PIWIL4: variants seen among roughly 807,000 people sequenced by gnomAD.
PIWIL4 encodes piwi-like protein 4.
Under a neutral mutation model 100.9 loss-of-function variants are expected in PIWIL4, and 50 were observed. The observed-to-expected ratio is 0.50, with a 90% CI of 0.39 to 0.63. The LOEUF (loss-of-function observed/expected upper bound fraction) is 0.63, where lower values mean the gene tolerates loss of function less well. Ranked by LOEUF, PIWIL4 falls within the 20% of genes least tolerant of loss-of-function variation. PIWIL4 has a pLI of 0.00. For synonymous variants in PIWIL4, 342 were observed against 367.5 expected, an observed-to-expected ratio of 0.93 and a Z score of 0.79; for missense variants, 887 against 1,043.3, an observed-to-expected ratio of 0.85 and a Z score of 2.06.
chr11:94,580,212 G>A (rs921997804), intron 4 of PIWIL4, among the ~76,000 whole-genome samples: 1 of 152,136 alleles, frequency 6.6e-6, no homozygotes, highest in African/African-American at 2.4e-5. Context: ...GAATAGTGTT[G>A]TCTTATTTCT....
rs17852889 is a variant in PIWIL4, at chr11:94,608,663, C to T, written c.1920C>T (p.Ala640=). Residue 640 remains alanine (A), a synonymous_variant, in exon 15 of 20, where the codon GCC becomes GCT. Coordinates refer to ENST00000299001, the MANE Select transcript of PIWIL4 (RefSeq NM_152431.3). The part of the protein sequence containing the change: ...SKDVMVVGCV[A]SVNPRITRWF... ...ACGTGATGGTTGTTGGATGCGTGGC[C>T]AGTGTTAACCCCAGAATCACCAGGT... 5.0e-6 allele frequency: 8 copies of T among 1,614,052 alleles called. No individual in the cohort carries two copies. The highest frequency in any genetic ancestry group is 6.8e-6 in the Non-Finnish European group (8 of 1,179,954).
intron 2 of PIWIL4, among the ~76,000 whole-genome samples, chr11:94,572,776 T>A (rs1456279628): frequency 6.6e-6 from 1 of 152,230 alleles, no homozygotes; most frequent in African/African-American, 2.4e-5. Context: ...ATGTGCGTTC[T>A]TTTTTGGTTC....
intron 4 of PIWIL4, among the ~76,000 whole-genome samples, chr11:94,578,936 G>A (rs749032444): frequency 5.9e-5 from 9 of 152,046 alleles, no homozygotes; most frequent in Non-Finnish European, 1.0e-4. Flanking sequence ...CCTTGCCTGA[G>A]AGCTAAAAAA....
Position 94,589,140 on chromosome 11 carries a change from T to C in PIWIL4, c.934T>C (p.Ser312Pro). 6.2e-7 allele frequency: 1 copy of C among 1,611,168 alleles called. No homozygotes were observed. The highest frequency in any genetic ancestry group is 8.5e-7 in the Non-Finnish European group (1 of 1,177,560). Residue 312 changes from serine (S) to proline (P), a missense_variant, in exon 8 of 20, where the codon TCC becomes CCC. Ser to Pro is a moderately conservative substitution (Grantham distance 74, BLOSUM62 -1). Transcript: ENST00000299001. ...VLTRYNNRTY[S>P]IDDIDWSVKP... ...TGGCAGATACAATAACAGAACCTAC[T>C]CCATTGATGACATTGACTGGTCAGT...
At chr11:94,608,906 C>T (rs1565282237) in intron 15 of PIWIL4, among the ~76,000 whole-genome samples, 1 of 152,190 alleles carries the variant, frequency 6.6e-6, no homozygotes. Flanking sequence ...TTAGGGTGAG[C>T]TATTGCTCAT....
chr11:94,578,604 A>C (rs1387198953), intron 4 of PIWIL4, among the ~76,000 whole-genome samples: 1 of 152,188 alleles, frequency 6.6e-6, no homozygotes, highest in African/African-American at 2.4e-5. Context: ...ACTTTTCATT[A>C]TACATCAATG....
Position 94,590,481 on chromosome 11 carries a change from G to A in PIWIL4, c.1026+1249G>A, listed in dbSNP as rs181823801. On this transcript the variant is annotated intron_variant, in intron 8 of 19. Transcript: ENST00000299001. ...TTCCCTCATATAGAACCTTTTCATT[G>A]TATTTTGAGATGGCTCAAATATAGT... is the stretch of plus-strand genomic sequence containing the variant. 5.9e-5 allele frequency among the ~76,000 whole-genome samples: 9 copies of A among 152,268 alleles called. No homozygotes were observed. In the East Asian group the frequency reaches 1.4e-3, roughly 23 times the overall value.
chr11:94,587,558 A>G (rs534412255), intron 7 of PIWIL4, among the ~76,000 whole-genome samples: 3 of 152,326 alleles, frequency 2.0e-5, no homozygotes, highest in African/African-American at 7.2e-5. Context: ...AGTTGCCTGG[A>G]TTCCCTTCCC....
intron 1 of PIWIL4, chr11:94,567,940 C>A: frequency 2.0e-6 from 1 of 504,666 alleles, no homozygotes; most frequent in Non-Finnish European, 2.6e-6. Context: ...CATTACACGG[C>A]ATATAATCTA....
intron 8 of PIWIL4, 87 bp downstream of exon 8, chr11:94,589,319 T>C: frequency 8.6e-7 from 1 of 1,163,510 alleles, no homozygotes; most frequent in Non-Finnish European, 1.2e-6. Context: ...TCCCCCAGAT[T>C]GGAGGCTGAG....
intron 11 of PIWIL4, among the ~76,000 whole-genome samples, chr11:94,601,164 A>G (rs937785901): frequency 2.0e-5 from 3 of 151,964 alleles, no homozygotes; most frequent in Non-Finnish European, 2.9e-5. Flanking sequence ...ATAAGTGTCC[A>G]TGAAATCTTC....
chr11:94,585,789 G>A (rs988470588), intron 6 of PIWIL4, among the ~76,000 whole-genome samples: 20 of 152,186 alleles, frequency 1.3e-4, no homozygotes, highest in African/African-American at 4.6e-4. Context: ...TGTGTAATAA[G>A]TAATAATGAA....
At chr11:94,576,686 A>C (rs534367885) in intron 3 of PIWIL4, among the ~76,000 whole-genome samples, 1 of 152,336 alleles carries the variant, frequency 6.6e-6, no homozygotes, top group South Asian at 2.1e-4. Context: ...ACAGAAGCCC[A>C]GAAACCTTGT....
Position 94,621,084 on chromosome 11 carries a change from G to A in PIWIL4, c.*92G>A, listed in dbSNP as rs778418483. 2 of 837,586 alleles carry A rather than the reference G, an allele frequency of 2.4e-6. No homozygotes were observed. The highest frequency in any genetic ancestry group is 3.8e-6 in the Non-Finnish European group (2 of 530,350). The allele number at this position is 837,586 out of a possible 1,614,324, so 51.9% of individuals were successfully genotyped here. On this transcript the variant is annotated 3_prime_UTR_variant, in exon 20 of 20. Coordinates refer to ENST00000299001, the MANE Select transcript of PIWIL4 (RefSeq NM_152431.3). ...TGCCATAAGCTCAAGGCTGTGACTG[G>A]GGAAAAAGATTGAGCTTAGTTTTCA... is the stretch of plus-strand genomic sequence containing the variant.
At chr11:94,604,504 C>T (rs370703331) in intron 13 of PIWIL4, among the ~76,000 whole-genome samples, 2 of 152,178 alleles carry the variant, frequency 1.3e-5, no homozygotes, top group Non-Finnish European at 2.9e-5. Context: ...CCACTTCCTC[C>T]GGTGCTGCAT....
intron 4 of PIWIL4, among the ~76,000 whole-genome samples, chr11:94,578,171 G>C (rs1948265070): frequency 6.6e-6 from 1 of 152,056 alleles, no homozygotes; most frequent in African/African-American, 2.4e-5. Context: ...TGCTCTGATT[G>C]TGCTTTGTCT....
intron 17 of PIWIL4, 115 bp from the exon 18 acceptor site, chr11:94,619,645 T>C (rs1419605845): frequency 8.4e-7 from 1 of 1,185,510 alleles, no homozygotes; most frequent in Admixed American, 2.9e-5. Context: ...ATTTTCTGTT[T>C]TGCAGTGTTT....
At chr11:94,603,277 C>T (rs541136409) in intron 12 of PIWIL4, among the ~76,000 whole-genome samples, 3 of 152,040 alleles carry the variant, frequency 2.0e-5, no homozygotes, top group South Asian at 2.1e-4. Context: ...ACCTGCTGGG[C>T]GAGTTTTAAA....
In PIWIL4 at chr11:94,607,575, C is replaced by T; in HGVS notation, c.1775C>T (p.Ala592Val). The T allele has an allele frequency of 6.2e-7, 1 of 1,614,084 alleles. No individual in the cohort carries two copies. The highest frequency in any genetic ancestry group is 8.5e-7 in the Non-Finnish European group (1 of 1,180,014). ...LNKQGMMMSI[A>V]TKIAMQMTCK... is the part of the protein sequence containing the mutation. ...AAACAGGGCATGATGATGAGTATCG[C>T]CACCAAGATCGCTATGCAGATGACT... The change falls in exon 14 of 20, where the codon GCC (alanine) becomes GTC (valine). Residue 592 changes from alanine (A) to valine (V), a missense_variant. This residue lies in a region of PIWIL4 where 741 missense variants were observed against 930.0 expected (regional missense o/e 0.80). Coordinates refer to ENST00000299001, the MANE Select transcript of PIWIL4 (RefSeq NM_152431.3).
Sources: gnomAD v4.1 joint callset for allele counts (sites outside exome capture counted in the v4.1 genomes callset) on GRCh38, gnomAD v4.1.1 for gene constraint, gnomAD v4.1.1 regional missense constraint, MANE v1.5 for transcripts, NCBI Gene and HGNC (gene_info 2026-07-23, HGNC 2026-07-21) for gene names.